Variants in NCKAP1 observed in about 807,000 individuals in gnomAD.
NCKAP1 encodes nck-associated protein 1.
A neutral mutation model predicts 151.2 loss-of-function variants in NCKAP1; 21 were observed. The observed-to-expected ratio is 0.14, with a 90% CI of 0.10 to 0.20. The LOEUF is 0.20. Ranked by LOEUF, NCKAP1 falls within the 10% of genes least tolerant of loss-of-function variation. The pLI, the probability that NCKAP1 is intolerant of heterozygous loss-of-function variation, is 1.00. For missense variants in NCKAP1, 933 were observed against 1,352.1 expected, an observed-to-expected ratio of 0.69 and a Z score of 4.86; for synonymous variants, 484 against 451.8, an observed-to-expected ratio of 1.07 and a Z score of -0.90.
intron 12 of NCKAP1, among the ~76,000 whole-genome samples, chr2:182,981,711 C>G (rs139931762): frequency 1.1e-4 from 16 of 151,874 alleles, no homozygotes; most frequent in African/African-American, 3.6e-4. Flanking sequence ...GGGTTCAAAA[C>G]CAGCCTGGCC....
At position 182,919,943 on chromosome 2, in the gene NCKAP1, C is replaced by G. The variant is rs1696524628; in HGVS notation, c.*5759G>C. 1.3e-5 allele frequency: 2 copies of G among 152,268 alleles called. No individual in the cohort carries two copies. The highest frequency in any genetic ancestry group is 2.9e-5 in the Non-Finnish European group (2 of 68,184). 9.4% of individuals were successfully genotyped at this position (152,268 alleles called of 1,614,324 possible). A position where few individuals can be genotyped will look rare whatever the true frequency, so the allele number is the denominator to read the frequency against. Reference sequence around the variant, plus strand: ...CTGGGATCACAGGAGTGAGCCACCGCGTCTGGCCTTAATTATTATCGAGAC... The same window carrying G: ...CTGGGATCACAGGAGTGAGCCACCGGGTCTGGCCTTAATTATTATCGAGAC... On this transcript the variant is annotated 3_prime_UTR_variant, in exon 31 of 31. Transcript: ENST00000361354.
chr2:182,977,305 C>T (rs1303979560), intron 14 of NCKAP1, among the ~76,000 whole-genome samples: 8 of 152,112 alleles, frequency 5.3e-5, no homozygotes, highest in South Asian at 2.1e-4. Context: ...GCCTGGCCAA[C>T]GTAGTGAAAC....
intron 2 of NCKAP1, among the ~76,000 whole-genome samples, chr2:183,010,611 T>A (rs1343294579): frequency 6.6e-6 from 1 of 152,222 alleles, no homozygotes; most frequent in Non-Finnish European, 1.5e-5. Flanking sequence ...TTTCACCACC[T>A]GAGCACATTA....
At chr2:182,998,466 G>A (rs762128117) in intron 6 of NCKAP1, among the ~76,000 whole-genome samples, 18 of 151,970 alleles carry the variant, frequency 1.2e-4, no homozygotes, top group Non-Finnish European at 2.1e-4. Flanking sequence ...AAAGTCTCAG[G>A]ATACAAAAAT....
At chr2:183,021,412 C>A (rs1439947790) in intron 2 of NCKAP1, among the ~76,000 whole-genome samples, 2 of 152,020 alleles carry the variant, frequency 1.3e-5, no homozygotes, top group East Asian at 3.9e-4. Flanking sequence ...CCTACCTGGG[C>A]AACATAGCCA....
At chr2:182,984,075 T>C (rs1180180401) in intron 10 of NCKAP1, among the ~76,000 whole-genome samples, 3 of 151,842 alleles carry the variant, frequency 2.0e-5, no homozygotes, top group Non-Finnish European at 4.4e-5. Flanking sequence ...ACTAACTGTA[T>C]ACATTTTTGT....
intron 1 of NCKAP1, among the ~76,000 whole-genome samples, chr2:183,026,227 G>C (rs570808862): frequency 6.6e-6 from 1 of 152,234 alleles, no homozygotes; most frequent in South Asian, 2.1e-4. Context: ...CCAGAAGTTG[G>C]AGACCAGCCT....
At chr2:183,031,518 A>G (rs574275538) in intron 1 of NCKAP1, among the ~76,000 whole-genome samples, 170 of 152,302 alleles carry the variant, frequency 1.1e-3, no homozygotes, top group African/African-American at 3.8e-3. Context: ...AGGCAGTAAA[A>G]TAGAATAGTG....
chr2:182,945,143 G>A (rs1317079022), intron 23 of NCKAP1, among the ~76,000 whole-genome samples: 1 of 152,118 alleles, frequency 6.6e-6, no homozygotes, highest in South Asian at 2.1e-4. Flanking sequence ...GCTGAGGCAG[G>A]AGAATCGCCT....
At chr2:183,034,474 TAC>T (rs1278780398) in intron 1 of NCKAP1, among the ~76,000 whole-genome samples, 3 of 151,338 alleles carry the variant, frequency 2.0e-5, no homozygotes, top group African/African-American at 7.3e-5. Flanking sequence ...ATCTTTTTAA[TAC>T]AGAGATTAAT....
rs1696600296 is a variant in NCKAP1 at position 182,924,376 on chromosome 2, T to C, written c.*1326A>G. On this transcript the variant is annotated 3_prime_UTR_variant, in exon 31 of 31. Transcript: ENST00000361354. ...AGAAGCTGTGAACAGAAGCTCTTTA[T>C]GATATTCATATACAAAGCTGCTGAG... 6.6e-6 allele frequency: 1 copy of C among 152,208 alleles called. No individual in the cohort carries two copies. The highest frequency in any genetic ancestry group is 2.4e-5 in the African/African-American group (1 of 41,444). 9.4% of individuals were successfully genotyped at this position (152,208 alleles called of 1,614,324 possible). A position where few individuals can be genotyped will look rare whatever the true frequency, so the allele number is the denominator to read the frequency against.
intron 23 of NCKAP1, among the ~76,000 whole-genome samples, chr2:182,948,042 A>G (rs1262773784): frequency 6.6e-6 from 1 of 152,192 alleles, no homozygotes; most frequent in African/African-American, 2.4e-5. Context: ...AAAACATTAT[A>G]CAATTCCAGA....
chr2:183,002,871 A>C (rs543445075), intron 4 of NCKAP1, 103 bp downstream of exon 4: 1 of 757,228 alleles, frequency 1.3e-6, no homozygotes, highest in African/African-American at 1.8e-5. Context: ...TAATGCTAAA[A>C]CTTTATATGC....
chr2:182,941,646 C>T (rs1029781848), intron 24 of NCKAP1, among the ~76,000 whole-genome samples: 44 of 152,196 alleles, frequency 2.9e-4, no homozygotes, highest in African/African-American at 1.1e-3. Context: ...TATATGAATG[C>T]ATCCATCTGT....
At position 182,909,638 on chromosome 2, in the gene NCKAP1, T is replaced by A. The variant is rs2105783150; in HGVS notation, c.*16064A>T. 1 of 152,356 alleles carries A rather than the reference T, an allele frequency of 6.6e-6. No homozygotes were observed. The highest frequency in any genetic ancestry group is 2.4e-5 in the African/African-American group (1 of 41,582). The allele number at this position is 152,356 out of a possible 1,614,324, so 9.4% of individuals were successfully genotyped here. On this transcript the variant is annotated 3_prime_UTR_variant, in exon 31 of 31. Coordinates refer to ENST00000361354, the MANE Select transcript of NCKAP1 (RefSeq NM_013436.5). ...CGGATTTACTGCCTTTTCTTGTATGTTGTTGTTTTATTTGTTTAAGTAAAC... is the reference window on the plus strand; with the variant it reads ...CGGATTTACTGCCTTTTCTTGTATGATGTTGTTTTATTTGTTTAAGTAAAC...
At position 182,925,829 on chromosome 2, in the gene NCKAP1, C is replaced by CA. The variant is rs1178561768; in HGVS notation, c.3271-12dup. 3.5e-6 allele frequency: 5 copies of CA among 1,417,574 alleles called. No individual in the cohort carries two copies. In the East Asian group the frequency reaches 9.9e-5, roughly 28 times the overall value. The allele number at this position is 1,417,574 out of a possible 1,614,324, so 87.8% of individuals were successfully genotyped here. On this transcript the variant is annotated splice_polypyrimidine_tract_variant and intron_variant, in intron 30 of 30. Transcript: ENST00000361354. ...AGATTCTTGTACAATCTGTAAAATT[C>CA]AAAAAATCCATCAAAACAAGTTATT...
intron 8 of NCKAP1, among the ~76,000 whole-genome samples, chr2:182,991,942 C>T (rs912695920): frequency 6.6e-6 from 1 of 152,126 alleles, no homozygotes; most frequent in Non-Finnish European, 1.5e-5. Flanking sequence ...TATTCTAGGT[C>T]CTGCACAACT....
chr2:182,966,118 A>T (rs1697564659), intron 16 of NCKAP1, among the ~76,000 whole-genome samples: 1 of 152,148 alleles, frequency 6.6e-6, no homozygotes, highest in African/African-American at 2.4e-5. Flanking sequence ...CATAGAAACT[A>T]CTATCACTAT....
chr2:182,988,734 T>C (rs1043403960), intron 9 of NCKAP1, among the ~76,000 whole-genome samples: 13 of 152,210 alleles, frequency 8.5e-5, no homozygotes, highest in Admixed American at 6.5e-4. Context: ...ATGGTACTTT[T>C]GCATCTAAAA....
Sources: gnomAD v4.1 joint callset for allele counts (sites outside exome capture counted in the v4.1 genomes callset) on GRCh38, gnomAD v4.1.1 for gene constraint, MANE v1.5 for transcripts, NCBI Gene and HGNC (gene_info 2026-07-23, HGNC 2026-07-21) for gene names.